The following ANKRD30B variants were observed in gnomAD, a reference collection of about 807,000 sequenced individuals.
ANKRD30B encodes ankyrin repeat domain 30B.
A neutral mutation model predicts 202.2 loss-of-function variants in ANKRD30B; 144 were observed. The ratio of observed to expected loss-of-function variants is 0.71; its 90% CI spans 0.62 to 0.82. The LOEUF (loss-of-function observed/expected upper bound fraction) is 0.82, where lower values mean the gene tolerates loss of function less well. ANKRD30B is among the 40% of genes least tolerant of loss of function. ANKRD30B has a pLI of 0.00. For missense variants in ANKRD30B, 1,487 were observed against 1,669.1 expected (o/e 0.89, Z 1.90); for synonymous variants, 508 against 561.3 (o/e 0.91, Z 1.34).
At chr18:14,925,719 G>C in the ANKRD30B span, among the ~76,000 whole-genome samples, 2 of 152,174 alleles carry the variant, frequency 1.3e-5, no homozygotes, top group African/African-American at 4.8e-5. Flanking sequence ...CTGCCCTGGA[G>C]GCTGGGGCTC....
rs547387773 is a variant in ANKRD30B, at chr18:14,784,493, A to G, written c.1630A>G (p.Asn544Asp). 6.2e-7 allele frequency: 1 copy of G among 1,613,184 alleles called. No individual in the cohort carries two copies. Among genetic ancestry groups the G allele is most frequent in the South Asian group, 1.1e-5 (1 of 91,040 alleles). Residue 544 changes from asparagine to aspartate, a missense_variant, in exon 14 of 44, where the codon AAT becomes GAT. Physicochemically the swap from Asn to Asp is conservative, Grantham distance 23 (BLOSUM62 1). Around this residue, in one of 6 missense-constraint regions of ANKRD30B, gnomAD observed 889 missense variants for 841.4 expected, o/e 1.06. Transcript: ENST00000690538. ...CGTTGAAATGCAAAAGACTGTTCCAAATAAAGCCTTTGAATTGAAGAATGA... is the reference window on the plus strand; with the variant it reads ...CGTTGAAATGCAAAAGACTGTTCCAGATAAAGCCTTTGAATTGAAGAATGA... ...PAVEMQKTVP[N>D]KAFELKNEQT...
chr18:14,905,777 G>A, the ANKRD30B span: 1 of 152,288 alleles, frequency 6.6e-6, no homozygotes, highest in African/African-American at 2.4e-5. Context: ...TTCTTTCAGG[G>A]TCTGCTGTCA....
chr18:14,763,927 A>G lies in ANKRD30B; in HGVS notation c.1062A>G (p.Ala354=). Residue 354 remains alanine, a synonymous_variant, in exon 7 of 44, where the codon GCA becomes GCG. Coordinates refer to ENST00000690538, the MANE Select transcript of ANKRD30B (RefSeq NM_001367607.2). ...CATCTGAGAAATTTTCATGGCCAGCAAAAGAAAGATCTAGGAAGATCACAT... is the reference window on the plus strand; with the variant it reads ...CATCTGAGAAATTTTCATGGCCAGCGAAAGAAAGATCTAGGAAGATCACAT... ...KETSEKFSWP[A]KERSRKITWE... is the part of the protein sequence containing the mutation. 3 of 1,606,664 alleles carry G rather than the reference A, an allele frequency of 1.9e-6. No homozygotes were observed. Among genetic ancestry groups the G allele is most frequent in the Non-Finnish European group, 2.5e-6 (3 of 1,176,678 alleles).
intron 18 of ANKRD30B, among the ~76,000 whole-genome samples, chr18:14,797,044 A>G (rs1968950648): frequency 6.6e-6 from 1 of 152,222 alleles, no homozygotes; most frequent in South Asian, 2.1e-4. Context: ...TAACAGTTGC[A>G]GCAAAAGCTG....
At chr18:14,760,765 T>G (rs1013247614) in intron 6 of ANKRD30B, 147 bp downstream of exon 6, 2 of 535,618 alleles carry the variant, frequency 3.7e-6, no homozygotes, top group Non-Finnish European at 6.7e-6. Context: ...TGTATATATA[T>G]GTATACATAG....
chr18:14,763,804 G>C lies in ANKRD30B; in HGVS notation c.939G>C (p.Thr313=). 1 of 1,613,752 alleles carries C rather than the reference G, an allele frequency of 6.2e-7. No homozygotes were observed. The highest frequency in any genetic ancestry group is 8.5e-7 in the Non-Finnish European group (1 of 1,179,892). Reference sequence around the variant, plus strand: ...AGGCTGCACGCTTGGTGGAGGGAACGTCTGCCAAAATTCAATGTCTGGGGA... The same window carrying C: ...AGGCTGCACGCTTGGTGGAGGGAACCTCTGCCAAAATTCAATGTCTGGGGA... The part of the protein sequence containing the change: ...PDEAARLVEG[T]SAKIQCLGKA... Residue 313 remains threonine (T), a synonymous_variant, in exon 7 of 44, where the codon ACG becomes ACC. Transcript: ENST00000690538.
intron 12 of ANKRD30B, among the ~76,000 whole-genome samples, chr18:14,783,124 T>C (rs1264539511): frequency 6.6e-6 from 1 of 152,178 alleles, no homozygotes; most frequent in Non-Finnish European, 1.5e-5. Flanking sequence ...AATGGAATTA[T>C]CTGAGCATGC....
At chr18:14,917,377 T>A in the ANKRD30B span, among the ~76,000 whole-genome samples, 1 of 152,214 alleles carries the variant, frequency 6.6e-6, no homozygotes, top group African/African-American at 2.4e-5. Context: ...ATCATTTTCC[T>A]GTACCCTCAC....
At chr18:14,939,911 ATGGCCCATGGAGGCATAATTAAT>A in the ANKRD30B span, among the ~76,000 whole-genome samples, 5 of 152,196 alleles carry the variant, frequency 3.3e-5, no homozygotes, top group Non-Finnish European at 7.3e-5. Flanking sequence ...GTTAATTCTA[ATGGCCCATGGAGGCATAATTAAT>A]TAACCTTTCA....
chr18:14,790,130 A>G (rs977533473), intron 15 of ANKRD30B, among the ~76,000 whole-genome samples: 18 of 151,990 alleles, frequency 1.2e-4, no homozygotes, highest in African/African-American at 4.1e-4. Context: ...GGATTCCTAG[A>G]TATTTCATTC....
chr18:14,824,114 T>TC (rs1970569745), intron 32 of ANKRD30B, among the ~76,000 whole-genome samples: 1 of 151,904 alleles, frequency 6.6e-6, no homozygotes, highest in East Asian at 1.9e-4. Context: ...AACTTCCTTT[T>TC]TTTTTACTTA....
intron 33 of ANKRD30B, among the ~76,000 whole-genome samples, chr18:14,830,524 T>C (rs1970867275): frequency 6.6e-6 from 1 of 152,194 alleles, no homozygotes; most frequent in Non-Finnish European, 1.5e-5. Flanking sequence ...TGTAGCGTTT[T>C]AGGGTGAAGG....
chr18:14,774,219 T>A (rs911919760), intron 9 of ANKRD30B, among the ~76,000 whole-genome samples: 1 of 152,172 alleles, frequency 6.6e-6, no homozygotes, highest in Non-Finnish European at 1.5e-5. Flanking sequence ...TGATCAGCAT[T>A]ATAGGAATAT....
chr18:14,867,672 G>A, the ANKRD30B span, among the ~76,000 whole-genome samples: 1 of 152,128 alleles, frequency 6.6e-6, no homozygotes, highest in African/African-American at 2.4e-5. Flanking sequence ...GTACTTGGGT[G>A]GGGAGGACTG....
At chr18:14,926,866 G>T in the ANKRD30B span, among the ~76,000 whole-genome samples, 25 of 152,136 alleles carry the variant, frequency 1.6e-4, no homozygotes, top group Non-Finnish European at 2.1e-4. Context: ...GTTGGAGGCT[G>T]GAATGAAAGA....
chr18:14,797,010 G>T (rs1477856914), intron 18 of ANKRD30B, among the ~76,000 whole-genome samples: 1 of 152,106 alleles, frequency 6.6e-6, no homozygotes, highest in South Asian at 2.1e-4. Flanking sequence ...CATAACCTAT[G>T]ATTAGCAAGA....
At chr18:14,883,006 C>G in the ANKRD30B span, among the ~76,000 whole-genome samples, 5 of 110,702 alleles carry the variant, frequency 4.5e-5, no homozygotes, top group Non-Finnish European at 6.2e-5. Context: ...AATTGTAACT[C>G]TCTTTCTAGT....
chr18:14,889,518 A>T, the ANKRD30B span, among the ~76,000 whole-genome samples: 1 of 152,008 alleles, frequency 6.6e-6, no homozygotes, highest in African/African-American at 2.4e-5. Flanking sequence ...CATATTTTGC[A>T]TTGTAGTGAA....
downstream of ANKRD30B, among the ~76,000 whole-genome samples, chr18:14,854,979 T>G (rs1255026356): frequency 1.3e-5 from 2 of 151,864 alleles, no homozygotes; most frequent in East Asian, 3.9e-4. Context: ...GGTCATAGGA[T>G]AATAGTGGAG....
Sources: gnomAD v4.1 joint callset for allele counts (sites outside exome capture counted in the v4.1 genomes callset) on GRCh38, gnomAD v4.1.1 for gene constraint, gnomAD v4.1.1 regional missense constraint, MANE v1.5 for transcripts, NCBI Gene and HGNC (gene_info 2026-07-23, HGNC 2026-07-21) for gene names.